The following SUMF1 variants were observed in gnomAD, a reference collection of about 807,000 sequenced individuals.
The protein encoded by SUMF1 is sulfatase modifying factor 1.
SUMF1 carries 48 observed loss-of-function variants against 47.6 expected under a neutral mutation model. That is an observed-to-expected ratio of 1.01 (90% CI 0.80 to 1.28). SUMF1 has a LOEUF of 1.28. Among genes scored for constraint, SUMF1 ranks in the 50% most tolerant of loss-of-function variants. The pLI, the probability that SUMF1 is intolerant of heterozygous loss-of-function variation, is 0.00. For synonymous variants in SUMF1, 230 were observed against 192.1 expected, an observed-to-expected ratio of 1.20 and a Z score of -1.63; for missense variants, 571 against 485.4, an observed-to-expected ratio of 1.18 and a Z score of -1.66.
intron 8 of SUMF1, among the ~76,000 whole-genome samples, chr3:4,221,754 G>C (rs1696069390): frequency 6.6e-6 from 1 of 152,060 alleles, no homozygotes; most frequent in African/African-American, 2.4e-5. Context: ...GAGGAAGGTG[G>C]ATGAGAGATA....
chr3:4,390,101 CT>C (rs1417435922), intron 7 of SUMF1, among the ~76,000 whole-genome samples: 1 of 152,208 alleles, frequency 6.6e-6, no homozygotes, highest in Non-Finnish European at 1.5e-5. Flanking sequence ...TTTTAGCTGT[CT>C]TTCTCTGATA....
chr3:4,124,731 T>C (rs1693616872), intron 8 of SUMF1, among the ~76,000 whole-genome samples: 1 of 152,056 alleles, frequency 6.6e-6, no homozygotes, highest in Non-Finnish European at 1.5e-5. Flanking sequence ...AATCTTGAGG[T>C]TCTGTTTTTA....
rs956524639 is a variant in SUMF1, at chr3:4,316,991, A to G, written c.1014+59339T>C. 1.9e-6 allele frequency: 3 copies of G among 1,549,272 alleles called. No homozygotes were observed. In the Admixed American group the frequency reaches 5.9e-5, roughly 30 times the overall value. ...CGCATGTTGCACAACCCACACTTCA[A>G]AAGTTGAATGAATTGGGCTATGAAG... is the stretch of plus-strand genomic sequence containing the variant. On this transcript the variant is annotated intron_variant and NMD_transcript_variant, in intron 8 of 12. Transcript: ENST00000448413.
chr3:4,311,580 T>G (rs1391524801), intron 8 of SUMF1, among the ~76,000 whole-genome samples: 2 of 152,220 alleles, frequency 1.3e-5, no homozygotes, highest in African/African-American at 4.8e-5. Flanking sequence ...TCAATGCCAC[T>G]TCTGAACAAT....
chr3:4,095,043 G>A (rs373095354), intron 8 of SUMF1, among the ~76,000 whole-genome samples: 1 of 152,182 alleles, frequency 6.6e-6, no homozygotes, highest in Non-Finnish European at 1.5e-5. Flanking sequence ...AGTATTGATG[G>A]CTAGTAAGGC....
intron 8 of SUMF1, among the ~76,000 whole-genome samples, chr3:4,141,910 C>G (rs911658014): frequency 6.6e-6 from 1 of 152,056 alleles, no homozygotes; most frequent in African/African-American, 2.4e-5. Flanking sequence ...GGGTGGAGCC[C>G]TAGGAACCCA....
rs1197643656 is a variant in SUMF1, at chr3:4,456,453, TG to T, written c.271-3405del. Among the ~76,000 whole-genome samples, 484 of 131,724 alleles carry T rather than the reference TG, an allele frequency of 3.7e-3. 2 individuals are homozygous for T. Among genetic ancestry groups the T allele is most frequent in the African/African-American group, 0.013 (465 of 36,084 alleles). The allele number at this position is 131,724 out of a possible 152,430, so 86.4% of individuals were successfully genotyped here. A position where few individuals can be genotyped will look rare whatever the true frequency, so the allele number is the denominator to read the frequency against. On this transcript the variant is annotated intron_variant, in intron 1 of 8. Coordinates refer to ENST00000272902, the MANE Select transcript of SUMF1 (RefSeq NM_182760.4). ...TGACTGTAGATGCCATGTTTTTCTT[TG>T]TTTTTTTTTTTTTTTGAGACGGAGT...
intron 9 of SUMF1, among the ~76,000 whole-genome samples, chr3:4,055,248 T>A (rs1284375932): frequency 6.6e-6 from 1 of 152,148 alleles, no homozygotes; most frequent in Non-Finnish European, 1.5e-5. Context: ...AAAAGCAGAT[T>A]GTAAAACAAT....
At chr3:4,238,109 C>T (rs567517050) in intron 8 of SUMF1, among the ~76,000 whole-genome samples, 65 of 152,252 alleles carry the variant, frequency 4.3e-4, no homozygotes, top group African/African-American at 1.3e-3. Flanking sequence ...AGGACAGAAA[C>T]TCATCCTTTT....
intron 9 of SUMF1, among the ~76,000 whole-genome samples, chr3:4,054,639 T>C (rs1028397410): frequency 2.6e-5 from 4 of 152,176 alleles, no homozygotes; most frequent in African/African-American, 9.7e-5. Flanking sequence ...CTCAGTACTA[T>C]GTAATATTTA....
chr3:4,392,223 A>G (rs970394908), intron 7 of SUMF1, among the ~76,000 whole-genome samples: 3 of 152,086 alleles, frequency 2.0e-5, no homozygotes, highest in African/African-American at 7.2e-5. Flanking sequence ...TTTTCATTTC[A>G]GTTAGTAGTA....
chr3:4,139,585 T>C (rs190099549), intron 8 of SUMF1, among the ~76,000 whole-genome samples: 10 of 144,672 alleles, frequency 6.9e-5, no homozygotes, highest in African/African-American at 2.2e-4. Flanking sequence ...TGTGTGTATA[T>C]ATATACACAC....
intron 1 of SUMF1, among the ~76,000 whole-genome samples, chr3:4,456,367 A>G (rs974078366): frequency 2.6e-5 from 4 of 152,078 alleles, no homozygotes; most frequent in Non-Finnish European, 4.4e-5. Flanking sequence ...AGACAGAGCA[A>G]TTAGGCAAGA....
At chr3:4,275,742 A>T (rs1697400742) in intron 8 of SUMF1, among the ~76,000 whole-genome samples, 1 of 152,166 alleles carries the variant, frequency 6.6e-6, no homozygotes, top group Non-Finnish European at 1.5e-5. Flanking sequence ...CAAAAGCAAA[A>T]AGTTAGTTGA....
intron 1 of SUMF1, among the ~76,000 whole-genome samples, chr3:4,460,404 A>C (rs2079779401): frequency 6.6e-6 from 1 of 152,124 alleles, no homozygotes; most frequent in African/African-American, 2.4e-5. Flanking sequence ...ACTGTCAGGA[A>C]TTCCTATCGC....
intron 8 of SUMF1, among the ~76,000 whole-genome samples, chr3:4,328,188 C>T (rs529063170): frequency 2.6e-5 from 4 of 152,164 alleles, no homozygotes; most frequent in Non-Finnish European, 4.4e-5. Flanking sequence ...CTGTACATTC[C>T]AGCCTGGGTG....
rs1699790060 is a variant in SUMF1 at position 4,362,268 on chromosome 3, A to T, written c.1015-14T>A. On this transcript the variant is annotated splice_polypyrimidine_tract_variant and intron_variant, in intron 8 of 8. Coordinates refer to ENST00000272902, the MANE Select transcript of SUMF1 (RefSeq NM_182760.4). ...GTAACAATAAGACTGTGTAGAGAGAAAGAGCAAGGTAAGTGCTACTGGGAC... is the reference window on the plus strand; with the variant it reads ...GTAACAATAAGACTGTGTAGAGAGATAGAGCAAGGTAAGTGCTACTGGGAC... The T allele has an allele frequency of 1.2e-6, 2 of 1,610,814 alleles. No homozygotes were observed. The highest frequency in any genetic ancestry group is 4.5e-5 in the East Asian group (2 of 44,836).
chr3:4,065,944 T>C (rs549484407), intron 9 of SUMF1, among the ~76,000 whole-genome samples: 4 of 152,260 alleles, frequency 2.6e-5, no homozygotes, highest in East Asian at 3.9e-4. Flanking sequence ...ACAGATACTC[T>C]TAACTCACTG....
chr3:4,079,139 C>G (rs769633945), intron 8 of SUMF1, among the ~76,000 whole-genome samples: 1 of 152,026 alleles, frequency 6.6e-6, no homozygotes, highest in South Asian at 2.1e-4. Context: ...ACACTAACCG[C>G]GAATTCAAGA....
Sources: gnomAD v4.1 joint callset for allele counts (sites outside exome capture counted in the v4.1 genomes callset) on GRCh38, gnomAD v4.1.1 for gene constraint, MANE v1.5 for transcripts, NCBI Gene and HGNC (gene_info 2026-07-23, HGNC 2026-07-21) for gene names.